The following LRRK2 variants were observed in gnomAD, a reference collection of about 807,000 sequenced individuals.
LRRK2 encodes the protein leucine rich repeat kinase 2, also known as leucine-rich repeat serine/threonine-protein kinase 2.
Under a neutral mutation model 302.6 loss-of-function variants are expected in LRRK2, and 203 were observed. The ratio of observed to expected loss-of-function variants is 0.67; its 90% confidence interval spans 0.60 to 0.75. The LOEUF (loss-of-function observed/expected upper bound fraction) is 0.75, where lower values mean the gene tolerates loss of function less well. Among genes scored for constraint, LRRK2 ranks in the 30% least tolerant of loss-of-function variants. LRRK2 has a pLI of 0.00. For synonymous variants in LRRK2, 1,066 were observed against 1,031.9 expected (o/e 1.03, Z -0.63); for missense variants, 2,830 against 2,951.0 (o/e 0.96, Z 0.95).
chr12:40,326,228 G>A (rs959026646), intron 38 of LRRK2, among the ~76,000 whole-genome samples: 2 of 152,096 alleles, frequency 1.3e-5, no homozygotes, highest in Non-Finnish European at 2.9e-5. Context: ...ACTTTGGGAG[G>A]CCGAGATGGG....
intron 40 of LRRK2, among the ~76,000 whole-genome samples, chr12:40,337,328 T>G (rs1220031978): frequency 6.6e-6 from 1 of 152,222 alleles, no homozygotes; most frequent in Non-Finnish European, 1.5e-5. Flanking sequence ...ACTGTTAGCT[T>G]ACTTCTCCAA....
Position 40,348,432 on chromosome 12 carries a change from G to T in LRRK2, c.6304G>T (p.Ala2102Ser). ...AGATCCAGTTAAAGAATATGGTTGT[G>T]CCCCATGGCCTATGGTTGAGAAATT... ...LPDPVKEYGC[A>S]PWPMVEKLIK... Residue 2102 changes from alanine to serine, a missense_variant, in exon 43 of 51, where the codon GCC becomes TCC. Physicochemically the swap from Ala to Ser is moderately conservative, Grantham distance 99. This residue lies in a region of LRRK2 where 253 missense variants were observed against 346.7 expected (regional missense o/e 0.73). Transcript: ENST00000298910. 6.2e-7 allele frequency: 1 copy of T among 1,611,600 alleles called. No individual in the cohort carries two copies. Among genetic ancestry groups the T allele is most frequent in the Non-Finnish European group, 8.5e-7 (1 of 1,178,088 alleles).
intron 43 of LRRK2, among the ~76,000 whole-genome samples, chr12:40,349,860 G>A (rs920134335): frequency 6.6e-6 from 1 of 152,194 alleles, no homozygotes. Context: ...GTCTTCTCAA[G>A]CGTCTTTCAA....
intron 25 of LRRK2, 35 bp downstream of exon 25, chr12:40,299,292 C>G: frequency 1.2e-6 from 2 of 1,609,990 alleles, no homozygotes; most frequent in Non-Finnish European, 1.7e-6. Context: ...CCTTACCAGG[C>G]CCTCTAAGTT....
At chr12:40,259,651 T>C in intron 13 of LRRK2, 47 bp downstream of exon 13, 1 of 1,608,212 alleles carries the variant, frequency 6.2e-7, no homozygotes, top group Non-Finnish European at 8.5e-7. Flanking sequence ...TTTAAATGGA[T>C]TTTTGATTTT....
intron 13 of LRRK2, among the ~76,000 whole-genome samples, chr12:40,261,321 A>T (rs1942763538): frequency 6.6e-6 from 1 of 152,134 alleles, no homozygotes; most frequent in African/African-American, 2.4e-5. Context: ...TCTGTTAGTT[A>T]ATAAAATAAT....
In LRRK2 at chr12:40,359,269, G is replaced by T; in HGVS notation, c.6853G>T (p.Ala2285Ser). The T allele has an allele frequency of 6.2e-7, 1 of 1,610,894 alleles. No homozygotes were observed. Residue 2285 changes from alanine (A) to serine (S), a missense_variant, in exon 47 of 51, where the codon GCT (alanine) becomes TCT (serine). Physicochemically the swap from Ala to Ser is moderately conservative, Grantham distance 99. This residue lies in a region of LRRK2 where 456 missense variants were observed against 456.3 expected (regional missense o/e 1.00). Coordinates refer to ENST00000298910, the MANE Select transcript of LRRK2 (RefSeq NM_198578.4). Reference protein sequence around the residue: ...FEDKTVKLKGAAPLKILNIGN... With the variant: ...FEDKTVKLKGSAPLKILNIGN... The stretch of plus-strand genomic sequence containing the variant: ...TTTTTTTTTGGCAAAGCTTAAAGGA[G>T]CTGCTCCTTTGAAGATACTAAATAT...
intron 25 of LRRK2, among the ~76,000 whole-genome samples, chr12:40,300,428 G>T (rs1347049944): frequency 6.6e-6 from 1 of 151,980 alleles, no homozygotes; most frequent in African/African-American, 2.4e-5. Context: ...CTCACATCTT[G>T]CCACCCATGT....
chr12:40,348,689 A>C (rs1946266341), intron 43 of LRRK2, among the ~76,000 whole-genome samples, 180 bp downstream of exon 43: 1 of 152,182 alleles, frequency 6.6e-6, no homozygotes, highest in African/African-American at 2.4e-5. Context: ...GACATTGCCA[A>C]AACCTCACAT....
At chr12:40,325,021 C>A (rs1945502288) in intron 38 of LRRK2, among the ~76,000 whole-genome samples, 1 of 152,180 alleles carries the variant, frequency 6.6e-6, no homozygotes, top group African/African-American at 2.4e-5. Context: ...GGTGTAGTAG[C>A]TCACTCCTGT....
At chr12:40,263,767 A>G in intron 13 of LRRK2, 22 bp from the exon 14 acceptor site, 1 of 1,516,538 alleles carries the variant, frequency 6.6e-7, no homozygotes, top group Non-Finnish European at 9.1e-7. Flanking sequence ...TTCTTTCTTT[A>G]TTTATTTATC....
Position 40,249,859 on chromosome 12 carries a change from T to C in LRRK2, c.872T>C (p.Val291Ala), listed in dbSNP as rs773891479. ...TTCAATATCCTGGTATTAAACGAAG[T>C]CCATGAGTTTGTGGTGAAAGCTGTG... ...NFFNILVLNE[V>A]HEFVVKAVQQ... Residue 291 changes from valine to alanine, a missense_variant, in exon 8 of 51, where the codon GTC becomes GCC. This residue lies in a region of LRRK2 where 2,121 missense variants were observed against 2,148.0 expected (regional missense o/e 0.99). Coordinates refer to ENST00000298910, the MANE Select transcript of LRRK2 (RefSeq NM_198578.4). The C allele has an allele frequency of 1.2e-6, 2 of 1,613,880 alleles. No homozygotes were observed. The highest frequency in any genetic ancestry group is 4.5e-5 in the East Asian group (2 of 44,872).
At chr12:40,310,348 T>C (rs1349773380) in intron 30 of LRRK2, 83 bp from the exon 31 acceptor site, 1 of 1,289,640 alleles carries the variant, frequency 7.8e-7, no homozygotes, top group African/African-American at 1.5e-5. Context: ...CAAGTGAATG[T>C]CACGGAAAGC....
Position 40,225,096 on chromosome 12 carries a change from T to C in LRRK2, c.-36T>C. ...CGGTTCCCTGAGCAGCGGACGTTCA[T>C]GCTGGGAGGGCGGCGGGTTGGAAGC... is the stretch of plus-strand genomic sequence containing the variant. On this transcript the variant is annotated 5_prime_UTR_variant, in exon 1 of 51. The change abolishes an upstream ATG in the 5' untranslated region. Coordinates refer to ENST00000298910, the MANE Select transcript of LRRK2 (RefSeq NM_198578.4). 1 of 1,612,352 alleles carries C rather than the reference T, an allele frequency of 6.2e-7. No individual in the cohort carries two copies.
intron 43 of LRRK2, 36 bp downstream of exon 43, chr12:40,348,545 C>T (rs1946262414): frequency 1.5e-6 from 2 of 1,297,474 alleles, no homozygotes; most frequent in South Asian, 1.2e-5. Flanking sequence ...TTGTACAGAA[C>T]ATCATTTGCA....
intron 24 of LRRK2, among the ~76,000 whole-genome samples, chr12:40,298,823 AC>A (rs1565727071): frequency 2.7e-4 from 33 of 120,668 alleles, no homozygotes; most frequent in Middle Eastern, 3.9e-3. Context: ...AATATATAAT[AC>A]ATATATTATA....
intron 40 of LRRK2, 74 bp downstream of exon 40, chr12:40,335,231 A>G: frequency 6.8e-7 from 1 of 1,471,876 alleles, no homozygotes. Context: ...TTCTGAGAAC[A>G]CTTCCCAGTA....
Position 40,291,924 on chromosome 12 carries a change from AT to A in LRRK2, c.2690-1620del, listed in dbSNP as rs1295092239. On this transcript the variant is annotated intron_variant, in intron 20 of 50. Coordinates refer to ENST00000298910, the MANE Select transcript of LRRK2 (RefSeq NM_198578.4). ...AGGACTATATAACAAAGGACTATATATAAAAATAATTTTTTAAATAAAGTAA... is the reference window on the plus strand; with the variant it reads ...AGGACTATATAACAAAGGACTATATAAAAAATAATTTTTTAAATAAAGTAA... Among the ~76,000 whole-genome samples, 6 of 152,128 alleles carry A rather than the reference AT, an allele frequency of 3.9e-5. No individual in the cohort carries two copies. The East Asian group carries it at 1.2e-3, about 29-fold the overall frequency.
At position 40,256,483 on chromosome 12, in the gene LRRK2, C is replaced by G. The variant is rs1942513814; in HGVS notation, c.1289-765C>G. ...CAACAAAAAAAGAGGAAAATTATTC[C>G]TTAATCATTATTGCTGGAATATAGT... On this transcript the variant is annotated intron_variant, in intron 11 of 50. Transcript: ENST00000298910. Among the ~76,000 whole-genome samples the G allele has an allele frequency of 2.0e-5, 3 of 152,158 alleles. No individual in the cohort carries two copies. In the South Asian group the frequency reaches 6.2e-4, roughly 32 times the overall value.
Sources: gnomAD v4.1 joint callset for allele counts (sites outside exome capture counted in the v4.1 genomes callset) on GRCh38, gnomAD v4.1.1 for gene constraint, gnomAD v4.1.1 regional missense constraint, MANE v1.5 for transcripts, NCBI Gene and HGNC (gene_info 2026-07-23, HGNC 2026-07-21) for gene names.